PSMA8: variants seen among roughly 807,000 people sequenced by gnomAD.
The protein encoded by PSMA8 is proteasome subunit alpha-type 8.
Under a neutral mutation model 32.4 loss-of-function variants are expected in PSMA8, and 18 were observed. The ratio of observed to expected loss-of-function variants is 0.56; its 90% CI spans 0.38 to 0.82. The LOEUF is 0.82. Among genes scored for constraint, PSMA8 ranks in the 40% least tolerant of loss-of-function variants. The pLI, the probability that PSMA8 is intolerant of heterozygous loss-of-function variation, is 0.00. For synonymous variants in PSMA8, 104 were observed against 98.1 expected (o/e 1.06, Z -0.36); for missense variants, 298 against 300.7 (o/e 0.99, Z 0.07).
chr18:26,157,885 G>A (rs1029534033), intron 3 of PSMA8, among the ~76,000 whole-genome samples: 6 of 152,086 alleles, frequency 3.9e-5, no homozygotes, highest in African/African-American at 1.4e-4. Context: ...CAACAAGAAA[G>A]TGATTTTAAG....
intron 2 of PSMA8, 43 bp downstream of exon 2, chr18:26,144,728 A>T (rs2054988864): frequency 6.3e-7 from 1 of 1,599,216 alleles, no homozygotes; most frequent in Non-Finnish European, 8.6e-7. Flanking sequence ...GTCTTACTGT[A>T]GTAGGGCAAC....
intron 3 of PSMA8, among the ~76,000 whole-genome samples, chr18:26,155,780 C>T (rs975823213): frequency 3.3e-5 from 5 of 151,946 alleles, no homozygotes; most frequent in Non-Finnish European, 7.4e-5. Context: ...AGCACAGGCA[C>T]CAAAAGCAAA....
chr18:26,183,917 T>C (rs537592808), intron 6 of PSMA8, among the ~76,000 whole-genome samples: 1 of 150,856 alleles, frequency 6.6e-6, no homozygotes, highest in African/African-American at 2.4e-5. Flanking sequence ...ACTACCCTGA[T>C]GAGTCAGCTC....
chr18:26,180,346 G>A (rs1282210259), intron 6 of PSMA8, among the ~76,000 whole-genome samples: 1 of 152,080 alleles, frequency 6.6e-6, no homozygotes, highest in African/African-American at 2.4e-5. Context: ...GGAGCACTGG[G>A]GTTTTTTGTT....
intron 1 of PSMA8, among the ~76,000 whole-genome samples, chr18:26,137,650 A>C (rs2054923450): frequency 6.6e-6 from 1 of 152,082 alleles, no homozygotes; most frequent in South Asian, 2.1e-4. Flanking sequence ...TTATTATTTC[A>C]AGACATTTTT....
Position 26,151,960 on chromosome 18 carries a change from G to A in PSMA8, c.332G>A (p.Arg111His), listed in dbSNP as rs371854509. 12 of 1,597,812 alleles carry A rather than the reference G, an allele frequency of 7.5e-6. No homozygotes were observed. Among genetic ancestry groups the A allele is most frequent in the East Asian group, 4.5e-5 (2 of 44,548 alleles). The change falls in exon 3 of 7, where the codon CGC becomes CAC. Residue 111 changes from arginine (R) to histidine (H), a missense_variant. Physicochemically the swap from Arg to His is conservative, Grantham distance 29 (BLOSUM62 0). Coordinates refer to ENST00000415576, the MANE Select transcript of PSMA8 (RefSeq NM_001025096.2). ...EDPVTVEYIT[R>H]FIATLKQKYT... is the part of the protein sequence containing the mutation. ...CCAGTCACTGTAGAATACATAACTC[G>A]CTTCATAGCAACTTTAAAGCAGGTA...
At chr18:26,141,011 C>A (rs867819599) in intron 1 of PSMA8, among the ~76,000 whole-genome samples, 1 of 152,118 alleles carries the variant, frequency 6.6e-6, no homozygotes, top group Admixed American at 6.5e-5. Context: ...AAAATTGTTA[C>A]TTTTCCACAC....
chr18:26,161,884 A>G (rs1174013594), intron 4 of PSMA8, among the ~76,000 whole-genome samples: 1 of 152,200 alleles, frequency 6.6e-6, no homozygotes, highest in Non-Finnish European at 1.5e-5. Context: ...CATGGCAGAA[A>G]AGTCCAACAA....
chr18:26,175,682 C>T (rs9966001), intron 4 of PSMA8, among the ~76,000 whole-genome samples: 16,542 of 152,168 alleles, frequency 0.11, 1,435 homozygotes, highest in African/African-American at 0.22. Context: ...GATGCACTTC[C>T]GAGGTCTGTC....
intron 4 of PSMA8, among the ~76,000 whole-genome samples, chr18:26,159,598 G>A (rs771293860): frequency 7.9e-5 from 12 of 151,770 alleles, no homozygotes; most frequent in East Asian, 1.9e-4. Flanking sequence ...TTTCTATATC[G>A]TAACACAACA....
intron 2 of PSMA8, among the ~76,000 whole-genome samples, chr18:26,145,719 T>G (rs2054997491): frequency 6.6e-6 from 1 of 152,218 alleles, no homozygotes; most frequent in Non-Finnish European, 1.5e-5. Context: ...CTGAGTAGTA[T>G]TCCATGGAAT....
intron 1 of PSMA8, among the ~76,000 whole-genome samples, chr18:26,143,149 C>G (rs929562326): frequency 6.6e-6 from 1 of 152,142 alleles, no homozygotes; most frequent in Non-Finnish European, 1.5e-5. Context: ...GTTCAACATT[C>G]TTTTGTTATA....
At chr18:26,141,252 A>C (rs532846845) in intron 1 of PSMA8, among the ~76,000 whole-genome samples, 31 of 151,482 alleles carry the variant, frequency 2.0e-4, no homozygotes, top group African/African-American at 6.1e-4. Context: ...ATTTTTTCTT[A>C]CTTGATTAAA....
rs1331258587 is a variant in PSMA8 at position 26,175,772 on chromosome 18, A to G, written c.478-3058A>G. ...AAGATTGATTTTTCTCACATAATGA[A>G]AAGTCTGAAAGTAGGCAGATGCTGG... On this transcript the variant is annotated intron_variant, in intron 4 of 6. Coordinates refer to ENST00000415576, the MANE Select transcript of PSMA8 (RefSeq NM_001025096.2). 2.0e-5 allele frequency among the ~76,000 whole-genome samples: 3 copies of G among 152,188 alleles called. No homozygotes were observed. In the East Asian group the frequency reaches 5.8e-4, roughly 29 times the overall value.
At chr18:26,137,755 C>G (rs1222107690) in intron 1 of PSMA8, among the ~76,000 whole-genome samples, 5 of 152,024 alleles carry the variant, frequency 3.3e-5, no homozygotes, top group Non-Finnish European at 7.4e-5. Flanking sequence ...CCTTAGAGAT[C>G]CTACTATCTA....
chr18:26,141,964 G>A (rs1446106077), intron 1 of PSMA8, among the ~76,000 whole-genome samples: 1 of 151,396 alleles, frequency 6.6e-6, no homozygotes, highest in Admixed American at 6.6e-5. Context: ...GGGATTACAG[G>A]CATGAGCCAC....
chr18:26,185,618 A>C (rs935442923), intron 6 of PSMA8, among the ~76,000 whole-genome samples: 1 of 150,888 alleles, frequency 6.6e-6, no homozygotes, highest in Admixed American at 6.6e-5. Context: ...CTGGTTGGCT[A>C]ATGTTAAGCA....
At chr18:26,171,680 G>A (rs539282604) in intron 4 of PSMA8, among the ~76,000 whole-genome samples, 4 of 152,190 alleles carry the variant, frequency 2.6e-5, no homozygotes, top group African/African-American at 9.6e-5. Context: ...GTTGTAGTGA[G>A]CTGAGATCGT....
chr18:26,158,882 G>A (rs1383913195), intron 4 of PSMA8, among the ~76,000 whole-genome samples: 5 of 152,100 alleles, frequency 3.3e-5, no homozygotes, highest in Non-Finnish European at 7.4e-5. Flanking sequence ...CTGAGACAGG[G>A]GGATTGCTTG....
Sources: gnomAD v4.1 joint callset for allele counts (sites outside exome capture counted in the v4.1 genomes callset) on GRCh38, gnomAD v4.1.1 for gene constraint, MANE v1.5 for transcripts, NCBI Gene and HGNC (gene_info 2026-07-23, HGNC 2026-07-21) for gene names.